PTPRD: variants seen among roughly 807,000 people sequenced by gnomAD.
PTPRD encodes receptor-type tyrosine-protein phosphatase delta.
In PTPRD, 34 loss-of-function variants were observed where a neutral mutation model predicts 214.5. That is an observed-to-expected ratio of 0.16 (90% CI 0.12 to 0.21). The LOEUF is 0.21. Ranked by LOEUF, PTPRD falls within the 10% of genes least tolerant of loss-of-function variation. The probability of loss-of-function intolerance (pLI) is 1.00; values close to 1 mark genes in which losing one functional copy is unlikely to be tolerated. For synonymous variants in PTPRD, 1,128 were observed against 845.7 expected, an observed-to-expected ratio of 1.33 and a Z score of -5.79; for missense variants, 2,545 against 2,398.7, an observed-to-expected ratio of 1.06 and a Z score of -1.27.
chr9:9,059,017 C>G (rs1160214992), intron 10 of PTPRD, among the ~76,000 whole-genome samples: 2 of 151,968 alleles, frequency 1.3e-5, no homozygotes, highest in Non-Finnish European at 2.9e-5. Flanking sequence ...CCCAGTAGAA[C>G]AGGGTAGGTC....
chr9:10,460,837 T>C (rs1277279265), intron 2 of PTPRD, among the ~76,000 whole-genome samples: 2 of 152,104 alleles, frequency 1.3e-5, no homozygotes, highest in African/African-American at 4.8e-5. Flanking sequence ...TTAGCAATGA[T>C]TTATTGGGTA....
At chr9:9,231,360 A>G (rs1014563770) in intron 9 of PTPRD, among the ~76,000 whole-genome samples, 1 of 152,164 alleles carries the variant, frequency 6.6e-6, no homozygotes, top group African/African-American at 2.4e-5. Context: ...CAAATAAGTA[A>G]TTAGAGTATA....
At chr9:9,283,216 T>C (rs902738626) in intron 9 of PTPRD, among the ~76,000 whole-genome samples, 1 of 151,508 alleles carries the variant, frequency 6.6e-6, no homozygotes, top group Non-Finnish European at 1.5e-5. Context: ...GGTACAAAAC[T>C]TCACTTTCTG....
intron 14 of PTPRD, among the ~76,000 whole-genome samples, chr9:8,541,034 A>T (rs1229370374): frequency 1.3e-5 from 2 of 152,186 alleles, no homozygotes; most frequent in East Asian, 3.9e-4. Flanking sequence ...AACATCAAAC[A>T]TCACATATAA....
At chr9:9,795,560 G>C (rs748124290) in intron 5 of PTPRD, among the ~76,000 whole-genome samples, 1 of 152,070 alleles carries the variant, frequency 6.6e-6, no homozygotes, top group Non-Finnish European at 1.5e-5. Flanking sequence ...TAGTCAAAAA[G>C]GGACGTCAAA....
intron 14 of PTPRD, among the ~76,000 whole-genome samples, chr9:8,538,024 G>T (rs191638306): frequency 9.6e-4 from 146 of 152,010 alleles, no homozygotes; most frequent in Admixed American, 2.6e-3. Context: ...CTCCTACCTA[G>T]TAACACTATT....
chr9:9,181,998 G>C (rs1254228273), intron 10 of PTPRD, among the ~76,000 whole-genome samples: 2 of 151,992 alleles, frequency 1.3e-5, no homozygotes, highest in Non-Finnish European at 2.9e-5. Flanking sequence ...TATTTTAAGA[G>C]AGTCAAGAAT....
chr9:9,277,390 A>G (rs1946065641), intron 9 of PTPRD, among the ~76,000 whole-genome samples: 1 of 151,504 alleles, frequency 6.6e-6, no homozygotes, highest in East Asian at 2.0e-4. Context: ...AAAAGAAAAC[A>G]TTGTGTAATT....
chr9:10,075,982 C>T (rs1007360844), intron 3 of PTPRD, among the ~76,000 whole-genome samples: 17 of 152,078 alleles, frequency 1.1e-4, no homozygotes, highest in Non-Finnish European at 2.2e-4. Flanking sequence ...ACTCAGAGTA[C>T]GCCCTGAATC....
rs1353442915 is a variant in PTPRD, at chr9:9,429,955, G to A, written c.-236-32473C>T. On this transcript the variant is annotated intron_variant, in intron 8 of 45. Transcript: ENST00000381196. ...CCCACAGCCAGTATTATACTGAATGGGCAAAAACTGGAAGCATTCCCTTTG... is the reference window on the plus strand; with the variant it reads ...CCCACAGCCAGTATTATACTGAATGAGCAAAAACTGGAAGCATTCCCTTTG... 2.0e-5 allele frequency among the ~76,000 whole-genome samples: 3 copies of A among 152,206 alleles called. No homozygotes were observed. The East Asian group carries it at 5.8e-4, about 29-fold the overall frequency.
At chr9:8,767,577 G>T (rs1487396447) in intron 11 of PTPRD, among the ~76,000 whole-genome samples, 1 of 152,160 alleles carries the variant, frequency 6.6e-6, no homozygotes, top group African/African-American at 2.4e-5. Context: ...ACCATACGTT[G>T]AGTCATAATA....
chr9:9,150,340 G>C (rs1473880731), intron 10 of PTPRD, among the ~76,000 whole-genome samples: 1 of 150,816 alleles, frequency 6.6e-6, no homozygotes, highest in Admixed American at 6.6e-5. Context: ...GTAGGGTTGG[G>C]GGATATAGTG....
chr9:9,138,346 G>A (rs1337628313), intron 10 of PTPRD, among the ~76,000 whole-genome samples: 1 of 152,034 alleles, frequency 6.6e-6, no homozygotes, highest in Non-Finnish European at 1.5e-5. Context: ...TTATGTACCT[G>A]ACACAAAGAA....
chr9:8,404,192 G>A (rs12341516), intron 36 of PTPRD, among the ~76,000 whole-genome samples: 3,228 of 152,212 alleles, frequency 0.021, 113 homozygotes, highest in African/African-American at 0.074. Context: ...ACAGTGACAC[G>A]ATCTCGGCTC....
chr9:9,915,846 G>C (rs900380621), intron 5 of PTPRD, among the ~76,000 whole-genome samples: 1 of 152,034 alleles, frequency 6.6e-6, no homozygotes, highest in East Asian at 1.9e-4. Context: ...TAGAGGGATG[G>C]ACATCCAGAT....
chr9:8,822,050 C>T (rs144888814), intron 11 of PTPRD, among the ~76,000 whole-genome samples: 20 of 152,322 alleles, frequency 1.3e-4, no homozygotes, highest in Middle Eastern at 6.8e-3. Context: ...CTTTGGCAAA[C>T]ATGAAAGTCA....
chr9:9,758,194 T>TA (rs2098607475), intron 6 of PTPRD, among the ~76,000 whole-genome samples: 1 of 151,440 alleles, frequency 6.6e-6, no homozygotes, highest in African/African-American at 2.4e-5. Flanking sequence ...CTTTTTTTTT[T>TA]ATTCCTGAAT....
At chr9:10,377,994 C>T (rs1473317779) in intron 2 of PTPRD, among the ~76,000 whole-genome samples, 1 of 151,966 alleles carries the variant, frequency 6.6e-6, no homozygotes, top group African/African-American at 2.4e-5. Context: ...AATTGTTCTC[C>T]ATAGTGGTCG....
chr9:10,190,200 C>G (rs2099356560), intron 3 of PTPRD, among the ~76,000 whole-genome samples: 1 of 151,028 alleles, frequency 6.6e-6, no homozygotes, highest in African/African-American at 2.4e-5. Context: ...AACCTCGTCT[C>G]TACTAAAAAT....
Sources: gnomAD v4.1 joint callset for allele counts (sites outside exome capture counted in the v4.1 genomes callset) on GRCh38, gnomAD v4.1.1 for gene constraint, MANE v1.5 for transcripts, NCBI Gene and HGNC (gene_info 2026-07-23, HGNC 2026-07-21) for gene names.